The following CCDC192 variants were observed in gnomAD, a reference collection of about 807,000 sequenced individuals.
CCDC192 encodes the protein coiled-coil domain containing 192, also known as coiled-coil domain-containing protein 192.
chr5:127,845,023 T>C (rs1206324913), intron 5 of CCDC192, among the ~76,000 whole-genome samples: 1 of 152,208 alleles, frequency 6.6e-6, no homozygotes, highest in South Asian at 2.1e-4. Context: ...TCTCTGTTCT[T>C]AAGAAGGGTC....
intron 2 of CCDC192, among the ~76,000 whole-genome samples, chr5:127,742,982 A>G (rs1753508566): frequency 1.3e-5 from 2 of 151,788 alleles, no homozygotes; most frequent in Non-Finnish European, 2.9e-5. Context: ...CCTCCTCCCT[A>G]TCCACTCTCC....
chr5:127,738,068 C>T (rs10036831), intron 2 of CCDC192, among the ~76,000 whole-genome samples: 2,535 of 151,998 alleles, frequency 0.017, 76 homozygotes, highest in African/African-American at 0.058. Context: ...ACAGCTGGTA[C>T]CAGTTGTTCC....
chr5:127,912,745 T>C (rs1753411539), intron 6 of CCDC192, among the ~76,000 whole-genome samples: 2 of 152,236 alleles, frequency 1.3e-5, no homozygotes, highest in Admixed American at 6.5e-5. Context: ...ATTTCTGCTA[T>C]AGGTTCTTTC....
chr5:127,727,158 G>A (rs369794368), intron 2 of CCDC192, among the ~76,000 whole-genome samples: 148 of 152,230 alleles, frequency 9.7e-4, no homozygotes, highest in African/African-American at 3.5e-3. Flanking sequence ...GCAACCCTAC[G>A]GAAGAGGGGC....
chr5:127,888,554 T>C (rs182074673), intron 6 of CCDC192, among the ~76,000 whole-genome samples: 2 of 152,188 alleles, frequency 1.3e-5, no homozygotes, highest in East Asian at 1.9e-4. Context: ...CTAATTCATA[T>C]AGGATTGCAG....
At chr5:127,719,470 CACAT>C (rs1226983762) in intron 2 of CCDC192, among the ~76,000 whole-genome samples, 6 of 36,204 alleles carry the variant, frequency 1.7e-4, no homozygotes, top group Admixed American at 4.8e-4. Flanking sequence ...TATATACAGA[CACAT>C]ACATATATAT....
chr5:127,838,482 C>T (rs571249029), intron 5 of CCDC192: 1 of 152,174 alleles, frequency 6.6e-6, no homozygotes, highest in African/African-American at 2.4e-5. Flanking sequence ...AAATAAAAGC[C>T]ACAATTGACA....
At chr5:127,893,549 T>A (rs1263441235) in intron 6 of CCDC192, among the ~76,000 whole-genome samples, 1 of 152,310 alleles carries the variant, frequency 6.6e-6, no homozygotes, top group Non-Finnish European at 1.5e-5. Context: ...GGAGGAGTTA[T>A]TACACTCTTC....
At chr5:127,804,725 A>G (rs998665584) in intron 5 of CCDC192, among the ~76,000 whole-genome samples, 2 of 152,228 alleles carry the variant, frequency 1.3e-5, no homozygotes, top group Non-Finnish European at 2.9e-5. Flanking sequence ...GGACTTTGAA[A>G]TGCAGATTTT....
intron 3 of CCDC192, chr5:127,786,812 T>C: frequency 3.6e-6 from 2 of 558,134 alleles, no homozygotes; most frequent in Non-Finnish European, 6.7e-6. Flanking sequence ...ACTGAGCTCC[T>C]TCAGGTGTCT....
intron 2 of CCDC192, among the ~76,000 whole-genome samples, chr5:127,741,542 T>C (rs1753419209): frequency 6.6e-6 from 1 of 152,088 alleles, no homozygotes; most frequent in East Asian, 2.0e-4. Context: ...GTGCACATAC[T>C]TTTTTTGATA....
intron 3 of CCDC192, among the ~76,000 whole-genome samples, chr5:127,794,194 A>G (rs73783972): frequency 8.5e-5 from 13 of 152,294 alleles, no homozygotes; most frequent in African/African-American, 2.9e-4. Context: ...TGATTAGTTT[A>G]TGCTTTGATT....
intron 6 of CCDC192, among the ~76,000 whole-genome samples, chr5:127,937,618 A>G (rs1003393137): frequency 4.6e-5 from 7 of 152,148 alleles, no homozygotes; most frequent in African/African-American, 1.4e-4. Flanking sequence ...AAGCCACCCC[A>G]TCTGTAGTAC....
intron 3 of CCDC192, among the ~76,000 whole-genome samples, chr5:127,783,082 G>A (rs1316673827): frequency 2.0e-5 from 3 of 150,700 alleles, no homozygotes; most frequent in Non-Finnish European, 2.9e-5. Flanking sequence ...TGCAACCTCT[G>A]CCTCCTGGGT....
chr5:127,725,729 A>C (rs1378623380), intron 2 of CCDC192, among the ~76,000 whole-genome samples: 1 of 152,168 alleles, frequency 6.6e-6, no homozygotes, highest in Non-Finnish European at 1.5e-5. Context: ...TTTGTCTAAG[A>C]ATTGTGAAAT....
chr5:127,860,131 G>A (rs546690360), intron 5 of CCDC192, among the ~76,000 whole-genome samples: 2 of 152,102 alleles, frequency 1.3e-5, no homozygotes, highest in South Asian at 4.2e-4. Context: ...CCTACATAAA[G>A]CCTGTCACAA....
intron 3 of CCDC192, among the ~76,000 whole-genome samples, chr5:127,791,993 C>T (rs950623979): frequency 3.9e-5 from 6 of 152,230 alleles, no homozygotes; most frequent in Admixed American, 1.3e-4. Flanking sequence ...TGGGAATATA[C>T]GTAAGGAGAC....
intron 3 of CCDC192, chr5:127,784,751 A>C: frequency 1.9e-6 from 1 of 515,172 alleles, no homozygotes; most frequent in Non-Finnish European, 3.8e-6. Flanking sequence ...GGCCTCATCA[A>C]CTAACTGCTG....
chr5:127,819,116 A>G (rs970965838), intron 5 of CCDC192, among the ~76,000 whole-genome samples: 15 of 152,164 alleles, frequency 9.9e-5, no homozygotes, highest in Admixed American at 7.9e-4. Flanking sequence ...ATCCATTTCA[A>G]TGTCACTTTT....
Sources: gnomAD v4.1 joint callset for allele counts (sites outside exome capture counted in the v4.1 genomes callset) on GRCh38, gnomAD v4.1.1 for gene constraint, MANE v1.5 for transcripts, NCBI Gene and HGNC (gene_info 2026-07-23, HGNC 2026-07-21) for gene names.